Variants in RIMS1 observed in about 807,000 individuals in gnomAD.
RIMS1 encodes the protein regulating synaptic membrane exocytosis 1.
In RIMS1, 83 loss-of-function variants were observed where a neutral mutation model predicts 214.1. The ratio of observed to expected loss-of-function variants is 0.39; its 90% confidence interval spans 0.32 to 0.47. The LOEUF (loss-of-function observed/expected upper bound fraction) is 0.47. Among genes scored for constraint, RIMS1 ranks in the 20% least tolerant of loss-of-function variants. RIMS1 has a pLI of 0.99. For missense variants in RIMS1, 2,050 were observed against 2,161.8 expected (o/e 0.95, Z 1.03); for synonymous variants, 793 against 786.8 (o/e 1.01, Z -0.13).
intron 4 of RIMS1, among the ~76,000 whole-genome samples, chr6:72,110,738 T>C (rs1223693017): frequency 1.3e-5 from 2 of 152,026 alleles, no homozygotes; most frequent in Non-Finnish European, 2.9e-5. Context: ...TCCAACACTA[T>C]GTTGAATAGG....
intron 2 of RIMS1, among the ~76,000 whole-genome samples, chr6:71,984,938 C>T (rs575269195): frequency 4.3e-4 from 65 of 152,268 alleles, no homozygotes; most frequent in Non-Finnish European, 8.8e-4. Flanking sequence ...CTACACTCTT[C>T]CTCCTTCACA....
intron 4 of RIMS1, among the ~76,000 whole-genome samples, chr6:72,106,769 C>T (rs1587094211): frequency 6.6e-6 from 1 of 152,112 alleles, no homozygotes; most frequent in East Asian, 1.9e-4. Context: ...AAAAATATAT[C>T]TTCTGAAATC....
At chr6:72,310,193 T>C (rs1306312652) in intron 27 of RIMS1, among the ~76,000 whole-genome samples, 1 of 152,126 alleles carries the variant, frequency 6.6e-6, no homozygotes, top group Admixed American at 6.6e-5. Context: ...TCAAATACTT[T>C]TAACCAACCA....
At chr6:71,937,299 C>T (rs1562233396) in intron 1 of RIMS1, among the ~76,000 whole-genome samples, 1 of 152,062 alleles carries the variant, frequency 6.6e-6, no homozygotes, top group Non-Finnish European at 1.5e-5. Context: ...CTTACTGTGT[C>T]ACCCAGGCTA....
intron 2 of RIMS1, among the ~76,000 whole-genome samples, chr6:72,066,397 T>C (rs1252041454): frequency 6.6e-6 from 1 of 152,210 alleles, no homozygotes; most frequent in Non-Finnish European, 1.5e-5. Context: ...TAAATGCTAT[T>C]ATTGAATCTC....
Position 72,307,333 on chromosome 6 carries a change from G to T in RIMS1, c.3926G>T (p.Gly1309Val). Residue 1309 changes from glycine (G) to valine (V), a missense_variant, in exon 27 of 34, where the codon GGT becomes GTT. Gly to Val is a moderately radical substitution (Grantham distance 109, BLOSUM62 -3). Around this residue, in one of 6 missense-constraint regions of RIMS1, gnomAD observed 889 missense variants for 885.5 expected, o/e 1.00. Coordinates refer to ENST00000521978, the MANE Select transcript of RIMS1 (RefSeq NM_014989.7). The stretch of plus-strand genomic sequence containing the variant: ...CGATTTAAGCAGACAACAGGGTCTG[G>T]TTCTAGTCAAGAACTTGATCGCGAG... ...VHRFKQTTGS[G>V]SSQELDREQY... 1.2e-6 allele frequency: 2 copies of T among 1,604,604 alleles called. No homozygotes were observed. The highest frequency in any genetic ancestry group is 1.7e-6 in the Non-Finnish European group (2 of 1,175,418).
intron 23 of RIMS1, among the ~76,000 whole-genome samples, chr6:72,282,226 A>G (rs1310258217): frequency 2.0e-5 from 3 of 151,926 alleles, no homozygotes; most frequent in Non-Finnish European, 4.4e-5. Context: ...GAGCTCCAAT[A>G]CCTCCTGAGC....
Position 72,182,911 on chromosome 6 carries a change from G to C in RIMS1, c.1440G>C (p.Ser480=). The change falls in exon 6 of 34, where the codon TCG becomes TCC. Residue 480 remains serine, a synonymous_variant. Coordinates refer to ENST00000521978, the MANE Select transcript of RIMS1 (RefSeq NM_014989.7). The part of the protein sequence containing the change: ...LRKQSRLDPS[S]AVLMRKAKRE... ...AGCAGAGCCGCCTGGACCCCAGCTC[G>C]GCGGTCCTCATGCGGAAGGCCAAGC... 6.3e-7 allele frequency: 1 copy of C among 1,578,468 alleles called. No homozygotes were observed. The highest frequency in any genetic ancestry group is 8.6e-7 in the Non-Finnish European group (1 of 1,163,636).
intron 29 of RIMS1, among the ~76,000 whole-genome samples, chr6:72,346,355 C>T (rs376211622): frequency 1.3e-5 from 2 of 151,768 alleles, no homozygotes; most frequent in African/African-American, 2.4e-5. Flanking sequence ...AGAATAGAAT[C>T]TTAAGATCTA....
chr6:72,371,468 C>T (rs1197100975), intron 29 of RIMS1, among the ~76,000 whole-genome samples: 1 of 152,156 alleles, frequency 6.6e-6, no homozygotes, highest in Non-Finnish European at 1.5e-5. Context: ...TTAAAAGAGA[C>T]AACTTTAATT....
chr6:72,058,848 G>A (rs1311623331), intron 2 of RIMS1, among the ~76,000 whole-genome samples: 1 of 152,026 alleles, frequency 6.6e-6, no homozygotes, highest in Non-Finnish European at 1.5e-5. Context: ...CAGTGCACTT[G>A]GTCTGAAAAT....
intron 1 of RIMS1, among the ~76,000 whole-genome samples, chr6:71,887,844 C>T (rs1440298700): frequency 2.0e-5 from 3 of 152,132 alleles, no homozygotes; most frequent in East Asian, 1.9e-4. Context: ...ATTCTCTTCT[C>T]CATATGTAAT....
intron 29 of RIMS1, among the ~76,000 whole-genome samples, chr6:72,353,757 A>G (rs1484314368): frequency 1.3e-5 from 2 of 152,172 alleles, no homozygotes; most frequent in African/African-American, 4.8e-5. Context: ...TCTACAAATA[A>G]CAGGCATGTA....
chr6:72,351,248 T>C (rs1311802309), intron 29 of RIMS1, among the ~76,000 whole-genome samples: 1 of 152,116 alleles, frequency 6.6e-6, no homozygotes, highest in African/African-American at 2.4e-5. Context: ...GTTCCCACCA[T>C]TAAATTTTTA....
intron 24 of RIMS1, among the ~76,000 whole-genome samples, chr6:72,289,232 C>T (rs574233427): frequency 1.3e-5 from 2 of 152,040 alleles, no homozygotes; most frequent in African/African-American, 2.4e-5. Context: ...TTGCGAGCCA[C>T]GTTTAGAAAG....
At chr6:72,007,513 A>T (rs1307802614) in intron 2 of RIMS1, among the ~76,000 whole-genome samples, 1 of 152,182 alleles carries the variant, frequency 6.6e-6, no homozygotes, top group Admixed American at 6.5e-5. Context: ...GCTTCAGACA[A>T]TCAAACTTCT....
chr6:72,009,074 G>T (rs1446114905), intron 2 of RIMS1, among the ~76,000 whole-genome samples: 2 of 152,184 alleles, frequency 1.3e-5, no homozygotes, highest in Admixed American at 6.5e-5. Flanking sequence ...ATAGTTGGAA[G>T]TAAAGCTCTC....
intron 2 of RIMS1, among the ~76,000 whole-genome samples, chr6:72,041,682 A>G (rs1417822622): frequency 6.6e-6 from 1 of 151,920 alleles, no homozygotes; most frequent in East Asian, 1.9e-4. Context: ...TGAACAAAAA[A>G]TAACTATAGC....
At chr6:72,030,922 G>A (rs1246449400) in intron 2 of RIMS1, among the ~76,000 whole-genome samples, 1 of 152,052 alleles carries the variant, frequency 6.6e-6, no homozygotes, top group Non-Finnish European at 1.5e-5. Context: ...GAGCACAGAA[G>A]GAATTGAAAC....
Sources: gnomAD v4.1 joint callset for allele counts (sites outside exome capture counted in the v4.1 genomes callset) on GRCh38, gnomAD v4.1.1 for gene constraint, gnomAD v4.1.1 regional missense constraint, MANE v1.5 for transcripts, NCBI Gene and HGNC (gene_info 2026-07-23, HGNC 2026-07-21) for gene names.